The following ACCSL variants were observed in gnomAD, a reference collection of about 807,000 sequenced individuals.
ACCSL encodes the protein probable inactive 1-aminocyclopropane-1-carboxylate synthase-like protein 2.
In ACCSL, 55 loss-of-function variants were observed where a neutral mutation model predicts 61.7. That is an observed-to-expected ratio of 0.89 (90% confidence interval 0.72 to 1.12). The LOEUF is 1.12. ACCSL is among the 50% of genes most tolerant of loss of function. The pLI is 0.00. For synonymous variants in ACCSL, 258 were observed against 264.3 expected (o/e 0.98, Z 0.23); for missense variants, 632 against 698.0 (o/e 0.91, Z 1.07).
the ACCSL span, among the ~76,000 whole-genome samples, chr11:44,023,041 C>CTTTTTTTTTTTTTTTT: frequency 4.6e-5 from 4 of 86,452 alleles, no homozygotes; most frequent in Non-Finnish European, 6.5e-5. Context: ...TCTTCTTCTT[C>CTTTTTTTTTTTTTTTT]TTTTTTTTTT....
chr11:44,023,053 T>C, the ACCSL span, among the ~76,000 whole-genome samples: 1 of 125,522 alleles, frequency 8.0e-6, no homozygotes, highest in Non-Finnish European at 1.7e-5. Flanking sequence ...TTTTTTTTTT[T>C]TTTTTTTTTC....
Position 44,048,393 on chromosome 11 carries a change from A to G in ACCSL, c.357A>G (p.Pro119=). ...QRAQLSGQPD[P]VPQLSDCEAA... Reference sequence around the variant, plus strand: ...CCCAACTCTCTGGGCAGCCTGATCCAGTTCCCCAACTGAGTGATTGTGAAG... The same window carrying G: ...CCCAACTCTCTGGGCAGCCTGATCCGGTTCCCCAACTGAGTGATTGTGAAG... The change falls in exon 1 of 14, where the codon CCA becomes CCG. Residue 119 remains proline, a synonymous_variant. Coordinates refer to ENST00000378832, the MANE Select transcript of ACCSL (RefSeq NM_001031854.2). 1 of 1,614,180 alleles carries G rather than the reference A, an allele frequency of 6.2e-7. No individual in the cohort carries two copies.
chr11:44,051,397 C>T lies in ACCSL; in HGVS notation c.698C>T (p.Pro233Leu), dbSNP rs1444024563. The T allele has an allele frequency of 6.2e-7, 1 of 1,614,172 alleles. No individual in the cohort carries two copies. Among genetic ancestry groups the T allele is most frequent in the South Asian group, 1.1e-5 (1 of 91,086 alleles). The stretch of plus-strand genomic sequence containing the variant: ...TGCAGGGCACCTACCCGACTTGACC[C>T]AGAAAATGTGAGTCAGTTTCCCAGC... ...YYCRAPTRLD[P>L]ENVVVLNGCC... Residue 233 changes from proline to leucine, a missense_variant, in exon 4 of 14, where the codon CCA becomes CTA. By Grantham distance (98) the Pro-to-Leu change is moderately conservative. Coordinates refer to ENST00000378832, the MANE Select transcript of ACCSL (RefSeq NM_001031854.2).
chr11:43,964,507 C>T, the ACCSL span, among the ~76,000 whole-genome samples: 1 of 150,794 alleles, frequency 6.6e-6, no homozygotes, highest in Non-Finnish European at 1.5e-5. Context: ...TCTGAAATCA[C>T]TGATGATTTC....
the ACCSL span, among the ~76,000 whole-genome samples, chr11:43,999,046 G>A: frequency 6.6e-6 from 1 of 152,144 alleles, no homozygotes; most frequent in Non-Finnish European, 1.5e-5. Context: ...ACCTCTGTAT[G>A]TATGCTAAGT....
the ACCSL span, among the ~76,000 whole-genome samples, chr11:43,973,302 A>G: frequency 1.3e-5 from 2 of 152,256 alleles, no homozygotes; most frequent in Non-Finnish European, 2.9e-5. Flanking sequence ...TTCTGTGCAC[A>G]AAATGATTTT....
the ACCSL span, among the ~76,000 whole-genome samples, chr11:44,023,578 A>T: frequency 0.55 from 81,741 of 149,152 alleles, 22,650 homozygotes; most frequent in Admixed American, 0.6. Context: ...AGGTTTGTCA[A>T]TTCATTATCT....
chr11:43,964,614 A>G, the ACCSL span, among the ~76,000 whole-genome samples: 19 of 152,354 alleles, frequency 1.2e-4, no homozygotes, highest in South Asian at 3.1e-3. Context: ...CTATGAGGCC[A>G]GCATTAACCT....
At chr11:43,963,036 C>T in the ACCSL span, among the ~76,000 whole-genome samples, 3 of 152,294 alleles carry the variant, frequency 2.0e-5, no homozygotes, top group Non-Finnish European at 4.4e-5. Context: ...TTTCCATATT[C>T]CTCCATTGTC....
chr11:44,011,584 A>G, the ACCSL span, among the ~76,000 whole-genome samples: 1 of 152,256 alleles, frequency 6.6e-6, no homozygotes, highest in Admixed American at 6.5e-5. Flanking sequence ...TTGTTCAGTG[A>G]ATGAATAAAT....
intron 8 of ACCSL, among the ~76,000 whole-genome samples, chr11:44,054,180 T>C (rs1425223559): frequency 6.6e-6 from 1 of 152,248 alleles, no homozygotes; most frequent in Non-Finnish European, 1.5e-5. Context: ...CCTTGTGGGA[T>C]GAAGACGTGT....
upstream of ACCSL, among the ~76,000 whole-genome samples, chr11:44,045,268 T>C (rs1952591181): frequency 6.6e-6 from 1 of 151,964 alleles, no homozygotes; most frequent in Non-Finnish European, 1.5e-5. Context: ...TGAAACCCCA[T>C]CTCTACAAAA....
chr11:43,925,299 T>A, the ACCSL span: 1 of 451,078 alleles, frequency 2.2e-6, no homozygotes, highest in South Asian at 1.6e-5. Context: ...CTTAGGCCAG[T>A]GTTCTTTCTG....
the ACCSL span, among the ~76,000 whole-genome samples, chr11:43,932,489 G>A: frequency 6.6e-5 from 10 of 152,272 alleles, no homozygotes; most frequent in South Asian, 8.3e-4. Context: ...GGCAGGTCTC[G>A]AACTCCTGAT....
chr11:44,051,565 G>T, intron 4 of ACCSL, 88 bp from the exon 5 acceptor site: 3 of 1,567,072 alleles, frequency 1.9e-6, no homozygotes, highest in Non-Finnish European at 1.8e-6. Flanking sequence ...CCCTGTGCCT[G>T]TTCTGCCCAG....
chr11:44,048,252 T>C lies in ACCSL; in HGVS notation c.216T>C (p.Ser72=), dbSNP rs751551954. 41 of 1,613,822 alleles carry C rather than the reference T, an allele frequency of 2.5e-5. No individual in the cohort carries two copies. The highest frequency in any genetic ancestry group is 3.1e-5 in the Non-Finnish European group (37 of 1,179,976). The change falls in exon 1 of 14, where the codon AGT becomes AGC. Residue 72 remains serine, a synonymous_variant. Coordinates refer to ENST00000378832, the MANE Select transcript of ACCSL (RefSeq NM_001031854.2). The part of the protein sequence containing the change: ...EAICEHEALL[S]RLICRMINLL... ...TCTGTGAGCATGAAGCCCTTCTGAG[T>C]CGCTTAATATGCCGGATGATCAACC... is the stretch of plus-strand genomic sequence containing the variant.
At chr11:43,957,483 G>A in the ACCSL span, among the ~76,000 whole-genome samples, 1 of 152,066 alleles carries the variant, frequency 6.6e-6, no homozygotes, top group African/African-American at 2.4e-5. Context: ...CTAGGTAGCA[G>A]GCTTCAGAGG....
At chr11:44,024,437 CTCTCTGTGTGTGTGTGTG>C in the ACCSL span, among the ~76,000 whole-genome samples, 3 of 74,906 alleles carry the variant, frequency 4.0e-5, no homozygotes, top group African/African-American at 1.3e-4. Context: ...CTCTCTCTCT[CTCTCTGTGTGTGTGTGTG>C]TGTGTGTGTG....
At position 44,051,630 on chromosome 11, in the gene ACCSL, T is replaced by C. The variant is rs116839188; in HGVS notation, c.706-23T>C. ...TCACATAGGTATTGGTTTTGACTTC[T>C]GCCTCTCATGTGTTGTCTTCAGGTG... On this transcript the variant is annotated intron_variant, in intron 4 of 13. Coordinates refer to ENST00000378832, the MANE Select transcript of ACCSL (RefSeq NM_001031854.2). The C allele has an allele frequency of 2.6e-3, 4,123 of 1,614,124 alleles. 136 individuals carry two copies. The African/African-American group carries it at 0.05, about 20-fold the overall frequency.
Sources: allele counts gnomAD v4.1 joint callset (sites outside exome capture counted in the v4.1 genomes callset), GRCh38; gene constraint gnomAD v4.1.1; transcripts MANE v1.5; gene names NCBI Gene and HGNC (gene_info 2026-07-23, HGNC 2026-07-21).